The following SLC17A1 variants were observed in gnomAD, a reference collection of about 807,000 sequenced individuals.
The protein encoded by SLC17A1 is sodium-dependent phosphate transport protein 1.
In SLC17A1, 51 loss-of-function variants were observed where a neutral mutation model predicts 53.5. The observed-to-expected ratio is 0.95, with a 90% CI of 0.76 to 1.20. The LOEUF (loss-of-function observed/expected upper bound fraction) is 1.20, where lower values mean the gene tolerates loss of function less well. Ranked by LOEUF, SLC17A1 falls within the 50% of genes most tolerant of loss-of-function variation. SLC17A1 has a pLI of 0.00. For missense variants in SLC17A1, 538 were observed against 568.2 expected, an observed-to-expected ratio of 0.95 and a Z score of 0.54; for synonymous variants, 179 against 198.8, an observed-to-expected ratio of 0.90 and a Z score of 0.84.
chr6:25,765,146 T>C, the SLC17A1 span, among the ~76,000 whole-genome samples: 1 of 152,302 alleles, frequency 6.6e-6, no homozygotes, highest in East Asian at 1.9e-4. Flanking sequence ...ACAAGGAACC[T>C]ACGTAAATAT....
intron 2 of SLC17A1, 33 bp from the exon 3 acceptor site, chr6:25,826,666 A>G (rs1298030619): frequency 1.0e-5 from 15 of 1,501,706 alleles, no homozygotes; most frequent in Admixed American, 4.1e-5. Context: ...GCAATTGCTG[A>G]CAGAGCTGAG....
chr6:25,735,641 C>T, the SLC17A1 span, among the ~76,000 whole-genome samples: 1 of 151,670 alleles, frequency 6.6e-6, no homozygotes, highest in African/African-American at 2.4e-5. Flanking sequence ...GTTAGGGAAA[C>T]ATGTACATAC....
the SLC17A1 span, among the ~76,000 whole-genome samples, chr6:25,751,687 A>T: frequency 6.6e-6 from 1 of 152,196 alleles, no homozygotes; most frequent in East Asian, 1.9e-4. Flanking sequence ...TATTATAAGC[A>T]ACTGAGATTT....
chr6:25,775,331 T>A, the SLC17A1 span, among the ~76,000 whole-genome samples: 2 of 147,690 alleles, frequency 1.4e-5, no homozygotes, highest in African/African-American at 2.5e-5. Flanking sequence ...AAACTCTGTC[T>A]AAAAAAAAAA....
chr6:25,748,445 T>A, the SLC17A1 span, among the ~76,000 whole-genome samples: 1 of 151,982 alleles, frequency 6.6e-6, no homozygotes, highest in Non-Finnish European at 1.5e-5. Flanking sequence ...AATAAACTAT[T>A]TATAAAGACT....
chr6:25,792,633 G>A (rs1042812026), intron 12 of SLC17A1, among the ~76,000 whole-genome samples: 6 of 152,146 alleles, frequency 3.9e-5, no homozygotes, highest in South Asian at 2.1e-4. Flanking sequence ...TCTCTGAAAC[G>A]TTTCAATTTA....
chr6:25,819,441 G>A, intron 5 of SLC17A1, 70 bp downstream of exon 5: 2 of 1,241,938 alleles, frequency 1.6e-6, no homozygotes, highest in East Asian at 2.3e-5. Flanking sequence ...CATTTCTTAT[G>A]GCTCTAGGGA....
At chr6:25,758,552 C>T in the SLC17A1 span, among the ~76,000 whole-genome samples, 4 of 152,258 alleles carry the variant, frequency 2.6e-5, no homozygotes, top group South Asian at 6.2e-4. Flanking sequence ...TATCCATCTC[C>T]TCTAGGTTTT....
the SLC17A1 span, among the ~76,000 whole-genome samples, chr6:25,752,203 G>A: frequency 2.0e-5 from 3 of 152,200 alleles, no homozygotes; most frequent in Admixed American, 1.3e-4. Context: ...CACAAACCTA[G>A]ATGGTAGAGC....
At chr6:25,771,699 C>A in the SLC17A1 span, among the ~76,000 whole-genome samples, 1 of 152,034 alleles carries the variant, frequency 6.6e-6, no homozygotes, top group Non-Finnish European at 1.5e-5. Flanking sequence ...GCTTTTGCAC[C>A]AATCTAATAT....
chr6:25,822,460 T>C (rs574614140), intron 3 of SLC17A1, among the ~76,000 whole-genome samples: 1 of 152,278 alleles, frequency 6.6e-6, no homozygotes, highest in East Asian at 1.9e-4. Context: ...GTGGAATAAT[T>C]TTCTGGTGTG....
chr6:25,768,901 T>A, the SLC17A1 span: 1 of 1,249,984 alleles, frequency 8.0e-7, no homozygotes. Flanking sequence ...CTCAGACAGA[T>A]ACCAATCTTC....
chr6:25,727,334 C>A, the SLC17A1 span: 1 of 1,522,632 alleles, frequency 6.6e-7, no homozygotes, highest in South Asian at 1.3e-5. Context: ...AGGCTCTTTT[C>A]AGAGCCACTT....
the SLC17A1 span, among the ~76,000 whole-genome samples, chr6:25,727,809 A>G: frequency 3.3e-5 from 5 of 151,898 alleles, no homozygotes; most frequent in African/African-American, 1.2e-4. Context: ...CATGAGGTTA[A>G]GAGACGGAGA....
downstream of SLC17A1, chr6:25,779,342 G>T (rs989951506): frequency 1.0e-4 from 101 of 998,368 alleles, no homozygotes; most frequent in East Asian, 2.7e-3. Context: ...ATTTTACAGG[G>T]GAAGAAAACA....
chr6:25,770,430 C>T, the SLC17A1 span: 3 of 1,614,058 alleles, frequency 1.9e-6, no homozygotes, highest in East Asian at 2.2e-5. Flanking sequence ...AAATGGGCTC[C>T]CCCACTGGAA....
At chr6:25,751,377 TC>T in the SLC17A1 span, among the ~76,000 whole-genome samples, 1 of 152,238 alleles carries the variant, frequency 6.6e-6, no homozygotes, top group East Asian at 1.9e-4. Context: ...ATATGACTGT[TC>T]AAAAATTTTC....
chr6:25,729,648 G>C, the SLC17A1 span, among the ~76,000 whole-genome samples: 1 of 151,874 alleles, frequency 6.6e-6, no homozygotes, highest in African/African-American at 2.4e-5. Flanking sequence ...ATAGTTCTGG[G>C]TATTTTGTTT....
the SLC17A1 span, among the ~76,000 whole-genome samples, chr6:25,728,698 C>T: frequency 6.6e-6 from 1 of 152,144 alleles, no homozygotes; most frequent in South Asian, 2.1e-4. Flanking sequence ...CCTGTAATTG[C>T]AGCTACTTGG....
Sources: gnomAD v4.1 joint callset for allele counts (sites outside exome capture counted in the v4.1 genomes callset) on GRCh38, gnomAD v4.1.1 for gene constraint, MANE v1.5 for transcripts, NCBI Gene and HGNC (gene_info 2026-07-23, HGNC 2026-07-21) for gene names.